Variants in ATP2A2 observed in about 807,000 individuals in gnomAD.
The protein encoded by ATP2A2 is sarcoplasmic/endoplasmic reticulum calcium ATPase 2.
ATP2A2 carries 14 observed loss-of-function variants against 109.3 expected under a neutral mutation model. The ratio of observed to expected loss-of-function variants is 0.13; its 90% confidence interval spans 0.08 to 0.20. The LOEUF (loss-of-function observed/expected upper bound fraction) is 0.20. ATP2A2 is among the 10% of genes least tolerant of loss of function. The probability of loss-of-function intolerance (pLI) is 1.00; values close to 1 mark genes in which losing one functional copy is unlikely to be tolerated. For synonymous variants in ATP2A2, 506 were observed against 490.9 expected (o/e 1.03, Z -0.41); for missense variants, 657 against 1,321.6 (o/e 0.50, Z 7.80).
intron 5 of ATP2A2, among the ~76,000 whole-genome samples, chr12:110,305,396 C>A (rs1875175041): frequency 6.6e-6 from 1 of 152,138 alleles, no homozygotes; most frequent in South Asian, 2.1e-4. Flanking sequence ...CAAAGCAAGA[C>A]CTTGCCTCTT....
At chr12:110,297,460 C>T (rs1874091278) in intron 5 of ATP2A2, among the ~76,000 whole-genome samples, 1 of 150,270 alleles carries the variant, frequency 6.7e-6, no homozygotes, top group Non-Finnish European at 1.5e-5. Flanking sequence ...AAACAGTATG[C>T]TTAAAAATAC....
chr12:110,318,165 G>C (rs1415829369), intron 5 of ATP2A2, among the ~76,000 whole-genome samples: 1 of 152,170 alleles, frequency 6.6e-6, no homozygotes, highest in Non-Finnish European at 1.5e-5. Flanking sequence ...GAAATTCACA[G>C]AAGCCTCTCC....
At position 110,311,489 on chromosome 12, in the gene ATP2A2, G is replaced by A. The variant is rs544436558; in HGVS notation, c.464-11503G>A. 4.0e-5 allele frequency among the ~76,000 whole-genome samples: 6 copies of A among 151,162 alleles called. No individual in the cohort carries two copies. The South Asian group carries it at 6.3e-4, about 16-fold the overall frequency. ...CCGTAACCCGTAATCCCAGCTACTCGGTAGGCCGAGGCAGGAGAATTACTT... is the reference window on the plus strand; with the variant it reads ...CCGTAACCCGTAATCCCAGCTACTCAGTAGGCCGAGGCAGGAGAATTACTT... On this transcript the variant is annotated intron_variant, in intron 5 of 19. Coordinates refer to ENST00000539276, the MANE Select transcript of ATP2A2 (RefSeq NM_170665.4).
intron 5 of ATP2A2, 123 bp downstream of exon 5, chr12:110,296,860 C>A: frequency 1.8e-6 from 2 of 1,126,168 alleles, no homozygotes; most frequent in Non-Finnish European, 2.5e-6. Context: ...CATTTTATTG[C>A]CATTCATACA....
chr12:110,334,178 C>T (rs528119011), intron 11 of ATP2A2, 35 bp downstream of exon 11: 61 of 1,611,844 alleles, frequency 3.8e-5, no homozygotes, highest in Non-Finnish European at 5.0e-5. Context: ...GTTCATGCTG[C>T]TTATCAGTCG....
chr12:110,291,442 G>A (rs557262325), intron 3 of ATP2A2, among the ~76,000 whole-genome samples: 7 of 152,182 alleles, frequency 4.6e-5, no homozygotes, highest in Non-Finnish European at 1.0e-4. Context: ...CTGACCTCAG[G>A]TGATCTGCCC....
At chr12:110,293,057 C>A (rs1463222688) in intron 4 of ATP2A2, among the ~76,000 whole-genome samples, 1 of 152,076 alleles carries the variant, frequency 6.6e-6, no homozygotes, top group African/African-American at 2.4e-5. Context: ...GATATAATCA[C>A]CCCTTTGAGG....
Position 110,345,332 on chromosome 12 carries a change from A to G in ATP2A2, c.2691A>G (p.Thr897=), listed in dbSNP as rs771263280. The change falls in exon 18 of 20, where the codon ACA becomes ACG. Residue 897 remains threonine, a synonymous_variant. Transcript: ENST00000539276. ...TCTTTGAATCCCCATACCCGATGACAATGGCGCTCTCTGTTCTAGTAACTA... is the reference window on the plus strand; with the variant it reads ...TCTTTGAATCCCCATACCCGATGACGATGGCGCTCTCTGTTCTAGTAACTA... ...CAIFESPYPM[T]MALSVLVTIE... is the part of the protein sequence containing the mutation. 6.2e-7 allele frequency: 1 copy of G among 1,614,068 alleles called. No individual in the cohort carries two copies. The highest frequency in any genetic ancestry group is 8.5e-7 in the Non-Finnish European group (1 of 1,180,046).
chr12:110,332,381 G>A (rs373762081), intron 8 of ATP2A2: 6 of 571,564 alleles, frequency 1.0e-5, no homozygotes, highest in Admixed American at 2.7e-5. Context: ...TCGATTGGTC[G>A]GGGGTGTGAT....
In ATP2A2 at chr12:110,347,633, T is replaced by C; in HGVS notation, c.*1163T>C. On this transcript the variant is annotated 3_prime_UTR_variant, in exon 20 of 20. Coordinates refer to ENST00000539276, the MANE Select transcript of ATP2A2 (RefSeq NM_170665.4). ...CACATGACCAAATGAACATATTGTATAGAACTATTTTTATTTGAATGTGGC... is the reference window on the plus strand; with the variant it reads ...CACATGACCAAATGAACATATTGTACAGAACTATTTTTATTTGAATGTGGC... The C allele has an allele frequency of 8.4e-7, 1 of 1,188,480 alleles. No homozygotes were observed. 73.6% of individuals were successfully genotyped at this position (1,188,480 alleles called of 1,614,324 possible).
chr12:110,306,132 G>C (rs539343236), intron 5 of ATP2A2, among the ~76,000 whole-genome samples: 3 of 152,046 alleles, frequency 2.0e-5, no homozygotes, highest in Non-Finnish European at 4.4e-5. Context: ...TCCGCCTCTC[G>C]GGTTCACGCC....
chr12:110,297,817 C>T (rs1874133076), intron 5 of ATP2A2, among the ~76,000 whole-genome samples: 1 of 151,950 alleles, frequency 6.6e-6, no homozygotes, highest in Non-Finnish European at 1.5e-5. Flanking sequence ...GGAGTTTTGC[C>T]ATGTTGCTCA....
intron 6 of ATP2A2, among the ~76,000 whole-genome samples, chr12:110,323,882 G>A (rs1877499088): frequency 6.6e-6 from 1 of 152,178 alleles, no homozygotes; most frequent in Admixed American, 6.5e-5. Context: ...CTTATTCGAT[G>A]TCCTTTTTCC....
intron 4 of ATP2A2, among the ~76,000 whole-genome samples, chr12:110,294,708 T>C (rs1873779321): frequency 6.6e-6 from 1 of 152,118 alleles, no homozygotes; most frequent in African/African-American, 2.4e-5. Context: ...GTATACTGAA[T>C]GGTATGAGCA....
At chr12:110,323,244 G>A (rs1272828026) in intron 6 of ATP2A2, among the ~76,000 whole-genome samples, 172 bp downstream of exon 6, 1 of 152,190 alleles carries the variant, frequency 6.6e-6, no homozygotes, top group East Asian at 1.9e-4. Flanking sequence ...GAGTGCAGTG[G>A]CGTGATTGCG....
rs1394988473 is a variant in ATP2A2, at chr12:110,348,894, A to G, written c.*2424A>G. 6.1e-6 allele frequency: 6 copies of G among 985,330 alleles called. No individual in the cohort carries two copies. The South Asian group carries it at 1.4e-4, about 23-fold the overall frequency. 61.0% of individuals were successfully genotyped at this position (985,330 alleles called of 1,614,324 possible). A position where few individuals can be genotyped will look rare whatever the true frequency, so the allele number is the denominator to read the frequency against. On this transcript the variant is annotated 3_prime_UTR_variant, in exon 20 of 20. Transcript: ENST00000539276. ...GCAAGGAGTGCATCTCTGGGCTGCA[A>G]ACTGACTTGAGTGCTGCACTATTGC...
chr12:110,345,032 C>T (rs1269729931), intron 17 of ATP2A2, 61 bp downstream of exon 17: 2 of 1,567,506 alleles, frequency 1.3e-6, no homozygotes, highest in African/African-American at 2.7e-5. Flanking sequence ...CTTGACCTTT[C>T]TGTGGTTTCG....
At chr12:110,319,732 G>A (rs1339294095) in intron 5 of ATP2A2, among the ~76,000 whole-genome samples, 1 of 150,946 alleles carries the variant, frequency 6.6e-6, no homozygotes, top group Non-Finnish European at 1.5e-5. Context: ...CTACCTGTTG[G>A]TCCTGTAGGT....
At position 110,349,539 on chromosome 12, in the gene ATP2A2, C is replaced by T; in HGVS notation, c.*3069C>T. 1 of 986,454 alleles carries T rather than the reference C, an allele frequency of 1.0e-6. No homozygotes were observed. The highest frequency in any genetic ancestry group is 1.2e-6 in the Non-Finnish European group (1 of 830,666). 61.1% of individuals were successfully genotyped at this position (986,454 alleles called of 1,614,324 possible). ...AGCTGTCCCTTGAGCTCAGTGAGCT[C>T]CCAGGCAAGCAGGGCATCTGGCCGA... is the stretch of plus-strand genomic sequence containing the variant. On this transcript the variant is annotated 3_prime_UTR_variant, in exon 20 of 20. Coordinates refer to ENST00000539276, the MANE Select transcript of ATP2A2 (RefSeq NM_170665.4).
Sources: gnomAD v4.1 joint callset for allele counts (sites outside exome capture counted in the v4.1 genomes callset) on GRCh38, gnomAD v4.1.1 for gene constraint, MANE v1.5 for transcripts, NCBI Gene and HGNC (gene_info 2026-07-23, HGNC 2026-07-21) for gene names.